Variants in KMT2C observed in about 807,000 individuals in gnomAD.
KMT2C encodes histone-lysine N-methyltransferase 2C.
In KMT2C, 88 loss-of-function variants were observed where a neutral mutation model predicts 507.9. That is an observed-to-expected ratio of 0.17 (90% CI 0.15 to 0.21). The LOEUF is 0.21. Among genes scored for constraint, KMT2C ranks in the 10% least tolerant of loss-of-function variants. The pLI is 1.00. For missense variants in KMT2C, 4,954 were observed against 5,957.8 expected, an observed-to-expected ratio of 0.83 and a Z score of 5.55; for synonymous variants, 2,049 against 2,080.8, an observed-to-expected ratio of 0.98 and a Z score of 0.42.
intron 27 of KMT2C, 34 bp downstream of exon 27, chr7:152,199,245 T>C (rs1410980996): frequency 7.3e-6 from 11 of 1,514,376 alleles, no homozygotes; most frequent in Non-Finnish European, 8.9e-6. Context: ...TGTTATATGA[T>C]ATAAAGAAAA....
chr7:152,316,485 C>G (rs1367769364), intron 3 of KMT2C, among the ~76,000 whole-genome samples: 1 of 152,020 alleles, frequency 6.6e-6, no homozygotes. Context: ...ACTAAGAGAT[C>G]TTAGAAAGAA....
intron 9 of KMT2C, among the ~76,000 whole-genome samples, chr7:152,258,175 T>C (rs941113641): frequency 5.9e-5 from 9 of 152,198 alleles, no homozygotes; most frequent in Admixed American, 5.2e-4. Context: ...GATGAGCTTG[T>C]AACATCTTGT....
chr7:152,190,601 T>C (rs570304861), intron 31 of KMT2C, among the ~76,000 whole-genome samples: 19 of 152,174 alleles, frequency 1.2e-4, no homozygotes, highest in East Asian at 5.8e-4. Flanking sequence ...CTTTTTTTTT[T>C]CCAAGTCTAC....
chr7:152,162,225 T>C lies in KMT2C; in HGVS notation c.11352A>G (p.Lys3784=), dbSNP rs780867028. 2 of 1,614,038 alleles carry C rather than the reference T, an allele frequency of 1.2e-6. No individual in the cohort carries two copies. The highest frequency in any genetic ancestry group is 1.7e-6 in the Non-Finnish European group (2 of 1,180,026). Residue 3784 remains lysine (K), a synonymous_variant, in exon 43 of 59, where the codon AAA becomes AAG. Coordinates refer to ENST00000262189, the MANE Select transcript of KMT2C (RefSeq NM_170606.3). ...TTTGATTCAAAAGAGAAGATGACTT[T>C]TTATTTTTCAACAAGTGTTTCAGAA... is the stretch of plus-strand genomic sequence containing the variant. ...NELLKHLLKN[K]KSSSLLNQKP...
intron 14 of KMT2C, among the ~76,000 whole-genome samples, chr7:152,239,590 A>T (rs1200661832): frequency 6.6e-6 from 1 of 152,244 alleles, no homozygotes; most frequent in Admixed American, 6.5e-5. Flanking sequence ...TCTTATTAAA[A>T]TCTATATAAC....
intron 1 of KMT2C, among the ~76,000 whole-genome samples, chr7:152,380,969 A>G (rs1189673719): frequency 2.6e-5 from 4 of 152,406 alleles, no homozygotes; most frequent in South Asian, 4.1e-4. Flanking sequence ...AGAGACTCCA[A>G]AAGTTTTACA....
intron 1 of KMT2C, among the ~76,000 whole-genome samples, chr7:152,431,775 T>G (rs2097864540): frequency 2.6e-5 from 4 of 152,144 alleles, no homozygotes; most frequent in Admixed American, 6.5e-5. Context: ...ATCAAAAATT[T>G]TATCAGATCT....
chr7:152,360,004 A>G (rs1219308859), intron 1 of KMT2C, among the ~76,000 whole-genome samples: 1 of 129,486 alleles, frequency 7.7e-6, no homozygotes, highest in Non-Finnish European at 1.6e-5. Context: ...AGCTGATATC[A>G]TGCCACTGCA....
chr7:152,194,943 AATT>A (rs1246304849), intron 28 of KMT2C, among the ~76,000 whole-genome samples: 2 of 152,156 alleles, frequency 1.3e-5, no homozygotes, highest in Non-Finnish European at 1.5e-5. Flanking sequence ...TGTACAGTTC[AATT>A]ATTATGCACA....
chr7:152,270,477 C>G (rs536296592), intron 7 of KMT2C, among the ~76,000 whole-genome samples: 1 of 152,256 alleles, frequency 6.6e-6, no homozygotes, highest in Admixed American at 6.5e-5. Flanking sequence ...AACTCCTTCC[C>G]TTGCTTACAA....
intron 7 of KMT2C, among the ~76,000 whole-genome samples, chr7:152,270,260 G>A (rs1296931077): frequency 6.6e-6 from 1 of 152,000 alleles, no homozygotes; most frequent in Non-Finnish European, 1.5e-5. Flanking sequence ...ACAGAATTTA[G>A]GGTAAAAGAA....
intron 24 of KMT2C, among the ~76,000 whole-genome samples, chr7:152,205,951 G>A (rs1363446818): frequency 2.6e-5 from 4 of 152,104 alleles, no homozygotes; most frequent in African/African-American, 4.8e-5. Context: ...TCAGGGGGAC[G>A]GTGTCTGGTA....
chr7:152,394,596 C>A (rs1458610770), intron 1 of KMT2C, among the ~76,000 whole-genome samples: 4 of 152,148 alleles, frequency 2.6e-5, no homozygotes, highest in African/African-American at 9.7e-5. Flanking sequence ...CAGCCCTTCC[C>A]GTCCCTTCCA....
chr7:152,194,372 C>G, intron 29 of KMT2C, 68 bp downstream of exon 29: 1 of 1,510,826 alleles, frequency 6.6e-7, no homozygotes, highest in Non-Finnish European at 9.1e-7. Flanking sequence ...TATAACCATG[C>G]AAAAATCTTT....
chr7:152,156,279 C>T lies in KMT2C; in HGVS notation c.11738G>A (p.Cys3913Tyr). 6.2e-7 allele frequency: 1 copy of T among 1,614,090 alleles called. No individual in the cohort carries two copies. The highest frequency in any genetic ancestry group is 1.1e-5 in the South Asian group (1 of 91,076). Residue 3913 changes from cysteine to tyrosine, a missense_variant, in exon 45 of 59, where the codon TGT (cysteine) becomes TAT (tyrosine). Physicochemically the swap from Cys to Tyr is radical, Grantham distance 194 (BLOSUM62 -2). Around this residue, in one of 29 missense-constraint regions of KMT2C, gnomAD observed 104 missense variants for 134.3 expected, o/e 0.77. Transcript: ENST00000262189. Reference sequence around the variant, plus strand: ...TGCAAAACCATTGGCCATCTTCTGACAAGCCATAGGAGGTGGTGTAGGAGG... The same window carrying T: ...TGCAAAACCATTGGCCATCTTCTGATAAGCCATAGGAGGTGGTGTAGGAGG... ...SLPPTPPPMACQKMANGFATT... is the reference protein window; with the variant it reads ...SLPPTPPPMAYQKMANGFATT...
chr7:152,152,559 G>C (rs1202294081), intron 49 of KMT2C, 146 bp downstream of exon 49: 1 of 960,490 alleles, frequency 1.0e-6, no homozygotes, highest in Non-Finnish European at 1.6e-6. Context: ...ACAGAAAACA[G>C]AACACCCACA....
At position 152,180,794 on chromosome 7, in the gene KMT2C, G is replaced by A. The variant is rs1212592348; in HGVS notation, c.7066C>T (p.Pro2356Ser). 2 of 1,614,162 alleles carry A rather than the reference G, an allele frequency of 1.2e-6. No individual in the cohort carries two copies. Among genetic ancestry groups the A allele is most frequent in the East Asian group, 2.2e-5 (1 of 44,866 alleles). ...GQQFSGVSQL[P>S]GPVPTSGVTD... ...ACTCCTGAAGTTGGCACAGGTCCAG[G>A]AAGTTGGGAGACACCAGAGAACTGC... The change falls in exon 36 of 59, where the codon CCT becomes TCT. Residue 2356 changes from proline to serine, a missense_variant. Coordinates refer to ENST00000262189, the MANE Select transcript of KMT2C (RefSeq NM_170606.3).
intron 2 of KMT2C, among the ~76,000 whole-genome samples, chr7:152,348,599 T>TA (rs201530125): frequency 0.043 from 2,111 of 48,620 alleles, 36 homozygotes; most frequent in Middle Eastern, 0.087. Context: ...AACTCTGTCT[T>TA]AAAAAAAAAA....
At chr7:152,344,027 A>C (rs142785609) in intron 2 of KMT2C, among the ~76,000 whole-genome samples, 1 of 152,346 alleles carries the variant, frequency 6.6e-6, no homozygotes, top group East Asian at 1.9e-4. Flanking sequence ...AACTGATCTA[A>C]TAGATAAGTT....
Sources: gnomAD v4.1 joint callset for allele counts (sites outside exome capture counted in the v4.1 genomes callset) on GRCh38, gnomAD v4.1.1 for gene constraint, gnomAD v4.1.1 regional missense constraint, MANE v1.5 for transcripts, NCBI Gene and HGNC (gene_info 2026-07-23, HGNC 2026-07-21) for gene names.